Variants in TRIM37 observed in about 807,000 individuals in gnomAD.
TRIM37 encodes tripartite motif containing 37.
Under a neutral mutation model 129.8 loss-of-function variants are expected in TRIM37, and 80 were observed. The observed-to-expected ratio is 0.62, with a 90% CI of 0.51 to 0.74. The LOEUF is 0.74. Among genes scored for constraint, TRIM37 ranks in the 30% least tolerant of loss-of-function variants. The pLI, the probability that TRIM37 is intolerant of heterozygous loss-of-function variation, is 0.00. For synonymous variants in TRIM37, 389 were observed against 387.1 expected, an observed-to-expected ratio of 1.00 and a Z score of -0.06; for missense variants, 1,054 against 1,176.5, an observed-to-expected ratio of 0.90 and a Z score of 1.52.
intron 19 of TRIM37, among the ~76,000 whole-genome samples, chr17:59,018,822 T>G (rs910149862): frequency 2.6e-5 from 4 of 152,120 alleles, no homozygotes; most frequent in African/African-American, 9.7e-5. Flanking sequence ...GAACACTCAC[T>G]TCTGATTTCA....
chr17:59,037,993 A>G (rs2038744545), intron 17 of TRIM37, among the ~76,000 whole-genome samples: 1 of 152,100 alleles, frequency 6.6e-6, no homozygotes, highest in African/African-American at 2.4e-5. Flanking sequence ...GTGGGTTTTT[A>G]GGGGGAAGAT....
rs576512525 is a variant in TRIM37 at position 59,105,194 on chromosome 17, G to A, written c.22-800C>T. Among the ~76,000 whole-genome samples, 6 of 151,996 alleles carry A rather than the reference G, an allele frequency of 3.9e-5. No homozygotes were observed. In the South Asian group the frequency reaches 8.3e-4, roughly 21 times the overall value. On this transcript the variant is annotated intron_variant, in intron 1 of 23. Coordinates refer to ENST00000262294, the MANE Select transcript of TRIM37 (RefSeq NM_015294.6). The stretch of plus-strand genomic sequence containing the variant: ...GCAATTTCCCCAAAAGGTATAAACT[G>A]ATTTTATAATTTAGAGGAAAAAGAA...
rs1568275717 is a variant in TRIM37 at position 59,104,333 on chromosome 17, C to T, written c.83G>A (p.Cys28Tyr). 6.2e-7 allele frequency: 1 copy of T among 1,614,196 alleles called. No individual in the cohort carries two copies. The highest frequency in any genetic ancestry group is 2.2e-5 in the East Asian group (1 of 44,872). Residue 28 changes from cysteine (C) to tyrosine (Y), a missense_variant, in exon 2 of 24, where the codon TGT (cysteine) becomes TAT (tyrosine). Cys to Tyr is a radical substitution (Grantham distance 194). Around this residue, in one of 3 missense-constraint regions of TRIM37, gnomAD observed 752 missense variants for 870.8 expected, o/e 0.86. Transcript: ENST00000262294. ...CMEKLRDARL[C>Y]PHCSKLCCFS... ...ACAACACAGTTTGGAGCAATGAGGACACAGGCGTGCATCCCGCAATTTCTC... is the reference window on the plus strand; with the variant it reads ...ACAACACAGTTTGGAGCAATGAGGATACAGGCGTGCATCCCGCAATTTCTC...
chr17:59,019,880 A>T (rs573709638), intron 19 of TRIM37, among the ~76,000 whole-genome samples: 1 of 152,250 alleles, frequency 6.6e-6, no homozygotes, highest in South Asian at 2.1e-4. Context: ...ACTTACGAAA[A>T]ATGATGACCA....
chr17:58,986,498 ATCTG>A (rs1349500168), intron 24 of TRIM37, among the ~76,000 whole-genome samples: 2 of 130,282 alleles, frequency 1.5e-5, no homozygotes, highest in Admixed American at 8.0e-5. Context: ...GCAAGTTTCC[ATCTG>A]TCTTTTTTTT....
intron 19 of TRIM37, among the ~76,000 whole-genome samples, chr17:59,021,579 AAAC>A (rs2037549378): frequency 6.6e-6 from 1 of 152,152 alleles, no homozygotes; most frequent in South Asian, 2.1e-4. Flanking sequence ...CTAAAAATTA[AAAC>A]AACTGAACTC....
At position 59,106,560 on chromosome 17, in the gene TRIM37, A is replaced by T. The variant is rs1158114601; in HGVS notation, c.-99T>A. 10 of 1,475,406 alleles carry T rather than the reference A, an allele frequency of 6.8e-6. No individual in the cohort carries two copies. The highest frequency in any genetic ancestry group is 3.7e-6 in the Non-Finnish European group (4 of 1,071,232). The allele number at this position is 1,475,406 out of a possible 1,614,324, so 91.4% of individuals were successfully genotyped here. ...GTCGCCAGATCAAATCGCCGATAAA[A>T]GCCCGGCGCCCACGTCAGGGGGCTC... is the stretch of plus-strand genomic sequence containing the variant. On this transcript the variant is annotated 5_prime_UTR_variant, in exon 1 of 24. Transcript: ENST00000262294.
intron 4 of TRIM37, among the ~76,000 whole-genome samples, chr17:59,086,279 C>T (rs1260778082): frequency 2.0e-5 from 3 of 148,220 alleles, no homozygotes; most frequent in African/African-American, 5.0e-5. Flanking sequence ...GCTCTGTCAT[C>T]CAGGCTGGAA....
At chr17:58,996,792 ATG>A (rs111408971), downstream of TRIM37, among the ~76,000 whole-genome samples, 5,328 of 79,116 alleles carry the variant, frequency 0.067, 126 homozygotes, top group Middle Eastern at 0.23. Flanking sequence ...GTATATATAT[ATG>A]TGTGTGTGTG....
intron 7 of TRIM37, among the ~76,000 whole-genome samples, chr17:59,077,590 T>A (rs1236024677): frequency 6.6e-6 from 1 of 151,654 alleles, no homozygotes; most frequent in East Asian, 1.9e-4. Context: ...GGCAGACAGA[T>A]CACAAGGTCA....
In TRIM37 at chr17:59,051,241, A is replaced by G. The variant is rs1437874384; in HGVS notation, c.1287T>C (p.Tyr429=). 6.2e-7 allele frequency: 1 copy of G among 1,613,028 alleles called. No homozygotes were observed. Among genetic ancestry groups the G allele is most frequent in the Non-Finnish European group, 8.5e-7 (1 of 1,179,014 alleles). ...CTTTAAGGTTGTTTATTTGTTGGAT[A>G]TAACTAGTCTGTGCAGCTTCCAACT... The part of the protein sequence containing the change: ...ITQLEAAQTS[Y]IQQINNLKER... The change falls in exon 14 of 24, where the codon TAT becomes TAC. Residue 429 remains tyrosine, a synonymous_variant. Coordinates refer to ENST00000262294, the MANE Select transcript of TRIM37 (RefSeq NM_015294.6).
the TRIM37 span, chr17:58,971,995 A>G: frequency 2.5e-6 from 2 of 801,598 alleles, no homozygotes; most frequent in Non-Finnish European, 3.8e-6. Flanking sequence ...TGAGACAATG[A>G]ATTATTATAT....
intron 22 of TRIM37, among the ~76,000 whole-genome samples, chr17:59,009,509 G>A (rs944450611): frequency 1.4e-5 from 2 of 148,102 alleles, no homozygotes; most frequent in South Asian, 2.1e-4. Context: ...GCAATGGTGC[G>A]ATCTCAGCTC....
intron 24 of TRIM37, among the ~76,000 whole-genome samples, chr17:58,990,124 A>G (rs908788389): frequency 2.2e-5 from 3 of 139,208 alleles, no homozygotes; most frequent in African/African-American, 8.0e-5. Flanking sequence ...GGCTGCAGTA[A>G]GCTGTGATCA....
At chr17:58,969,353 A>AC in the TRIM37 span, 1 of 704,872 alleles carries the variant, frequency 1.4e-6, no homozygotes, top group South Asian at 1.5e-5. Flanking sequence ...AAACACAGAT[A>AC]CCCTAATATT....
intron 22 of TRIM37, among the ~76,000 whole-genome samples, chr17:59,003,618 A>C (rs1394928574): frequency 2.0e-5 from 3 of 151,512 alleles, no homozygotes; most frequent in South Asian, 2.1e-4. Flanking sequence ...CAAAACTGGC[A>C]GATTAAAACA....
chr17:58,975,670 G>C, the TRIM37 span, among the ~76,000 whole-genome samples: 1 of 152,192 alleles, frequency 6.6e-6, no homozygotes, highest in Non-Finnish European at 1.5e-5. Context: ...TTAGAGCAGA[G>C]ATGGGAGTGG....
chr17:59,024,814 T>C (rs1358468209), intron 19 of TRIM37, among the ~76,000 whole-genome samples: 1 of 152,274 alleles, frequency 6.6e-6, no homozygotes, highest in Non-Finnish European at 1.5e-5. Context: ...GCAGGAGCCA[T>C]GGTGCCCAGC....
At position 59,056,533 on chromosome 17, in the gene TRIM37, T is replaced by A. The variant is rs187991463; in HGVS notation, c.1199+342A>T. Among the ~76,000 whole-genome samples, 246 of 151,540 alleles carry A rather than the reference T, an allele frequency of 1.6e-3. 1 individual carries two copies. The highest frequency in any genetic ancestry group is 5.1e-3 in the Admixed American group (77 of 15,196). On this transcript the variant is annotated intron_variant, in intron 13 of 23. Transcript: ENST00000262294. ...TCACGAGGTCAGGAGATCGAGACCA[T>A]CCTGGCTAAAACAGTGAAACCCCGT...
Sources: allele counts gnomAD v4.1 joint callset (sites outside exome capture counted in the v4.1 genomes callset), GRCh38; gene constraint gnomAD v4.1.1; regional missense constraint gnomAD v4.1.1; transcripts MANE v1.5; gene names NCBI Gene and HGNC (gene_info 2026-07-23, HGNC 2026-07-21).